ARHGAP44: variants seen among roughly 807,000 people sequenced by gnomAD.
The protein encoded by ARHGAP44 is rho GTPase-activating protein 44.
ARHGAP44 carries 43 observed loss-of-function variants against 106.8 expected under a neutral mutation model. The observed-to-expected ratio is 0.40, with a 90% confidence interval of 0.32 to 0.52. The LOEUF is 0.52. Ranked by LOEUF, ARHGAP44 falls within the 20% of genes least tolerant of loss-of-function variation. The pLI is 0.48. For synonymous variants in ARHGAP44, 439 were observed against 410.3 expected (o/e 1.07, Z -0.85); for missense variants, 866 against 1,050.5 (o/e 0.82, Z 2.43).
chr17:12,981,965 C>T (rs1053225172), intron 19 of ARHGAP44, among the ~76,000 whole-genome samples: 20 of 152,180 alleles, frequency 1.3e-4, no homozygotes, highest in Admixed American at 7.2e-4. Context: ...GAGCCAAGAT[C>T]GTGCCACTGC....
At chr17:12,895,558 A>G (rs967386968) in intron 2 of ARHGAP44, among the ~76,000 whole-genome samples, 1 of 152,162 alleles carries the variant, frequency 6.6e-6, no homozygotes, top group Non-Finnish European at 1.5e-5. Context: ...TTTCTTGTAA[A>G]TTTGTTTCTT....
chr17:12,857,895 G>A (rs946397972), intron 1 of ARHGAP44, among the ~76,000 whole-genome samples: 2 of 151,854 alleles, frequency 1.3e-5, no homozygotes, highest in African/African-American at 2.4e-5. Context: ...TCTGATTTGG[G>A]ACAAGATCTG....
At chr17:12,845,947 A>G (rs2035558113) in intron 1 of ARHGAP44, among the ~76,000 whole-genome samples, 1 of 152,178 alleles carries the variant, frequency 6.6e-6, no homozygotes, top group South Asian at 2.1e-4. Context: ...CATTGGTGGT[A>G]GGAAGTACAC....
At chr17:12,805,598 A>G (rs1248845169) in intron 1 of ARHGAP44, among the ~76,000 whole-genome samples, 1 of 152,240 alleles carries the variant, frequency 6.6e-6, no homozygotes, top group Non-Finnish European at 1.5e-5. Flanking sequence ...AGCCATACCT[A>G]TGAATTGCAT....
In ARHGAP44 at chr17:12,925,063, C is replaced by G. The variant is rs955774006; in HGVS notation, c.465-3866C>G. Among the ~76,000 whole-genome samples, 4 of 152,200 alleles carry G rather than the reference C, an allele frequency of 2.6e-5. No individual in the cohort carries two copies. In the East Asian group the frequency reaches 7.7e-4, roughly 29 times the overall value. On this transcript the variant is annotated intron_variant, in intron 6 of 20. Coordinates refer to ENST00000379672, the MANE Select transcript of ARHGAP44 (RefSeq NM_014859.6). ...AGTGGAGTCTCGATGGCCATCAAAACTCATTCCTCGTCTCTCACCCCTCCC... is the reference window on the plus strand; with the variant it reads ...AGTGGAGTCTCGATGGCCATCAAAAGTCATTCCTCGTCTCTCACCCCTCCC...
At chr17:12,871,749 C>T (rs1481113386) in intron 1 of ARHGAP44, among the ~76,000 whole-genome samples, 2 of 152,236 alleles carry the variant, frequency 1.3e-5, no homozygotes, top group African/African-American at 2.4e-5. Context: ...AATGAGTTCT[C>T]CTGAGATCTG....
chr17:12,840,802 G>T (rs1405357639), intron 1 of ARHGAP44, among the ~76,000 whole-genome samples: 2 of 152,148 alleles, frequency 1.3e-5, no homozygotes, highest in Non-Finnish European at 2.9e-5. Context: ...GCAAATTCTG[G>T]TGTCCTGGTT....
intron 1 of ARHGAP44, among the ~76,000 whole-genome samples, chr17:12,850,992 G>A (rs2035723498): frequency 6.6e-6 from 1 of 152,206 alleles, no homozygotes; most frequent in African/African-American, 2.4e-5. Context: ...ACTTTTGGGA[G>A]TCATTTCTGC....
At chr17:12,840,239 A>G (rs1440237338) in intron 1 of ARHGAP44, among the ~76,000 whole-genome samples, 1 of 152,200 alleles carries the variant, frequency 6.6e-6, no homozygotes. Flanking sequence ...ATCTGATGCA[A>G]ATATCCCTCC....
At chr17:12,969,397 C>CT (rs1284830344) in intron 16 of ARHGAP44, among the ~76,000 whole-genome samples, 1 of 152,152 alleles carries the variant, frequency 6.6e-6, no homozygotes, top group Non-Finnish European at 1.5e-5. Context: ...GAGCTAAGGG[C>CT]TTTATGGCCA....
intron 1 of ARHGAP44, among the ~76,000 whole-genome samples, chr17:12,837,772 A>G (rs1361446619): frequency 6.6e-6 from 1 of 152,096 alleles, no homozygotes; most frequent in Non-Finnish European, 1.5e-5. Flanking sequence ...ACCTGGGTAA[A>G]TAACGTTATT....
intron 4 of ARHGAP44, among the ~76,000 whole-genome samples, chr17:12,914,757 C>T (rs943068572): frequency 4.2e-5 from 6 of 144,460 alleles, no homozygotes; most frequent in Middle Eastern, 3.8e-3. Context: ...GATCGTGCCA[C>T]TGTACTCCAG....
intron 1 of ARHGAP44, among the ~76,000 whole-genome samples, chr17:12,824,283 A>G (rs1200556608): frequency 6.6e-6 from 1 of 152,108 alleles, no homozygotes; most frequent in African/African-American, 2.4e-5. Flanking sequence ...TTGAATTTTG[A>G]GCAGAGGAGT....
At chr17:12,793,293 G>A (rs1421133261) in intron 1 of ARHGAP44, among the ~76,000 whole-genome samples, 1 of 152,222 alleles carries the variant, frequency 6.6e-6, no homozygotes, top group East Asian at 1.9e-4. Flanking sequence ...TGTTATGACT[G>A]TTATTGAATT....
Position 12,949,114 on chromosome 17 carries a change from G to T in ARHGAP44, c.862-26G>T. The T allele has an allele frequency of 6.5e-7, 1 of 1,550,018 alleles. No homozygotes were observed. ...TGATGTTGTACCTTGGAGTTGCTGT[G>T]CGCTGACCCTCTGTCCTGTTGGTAG... On this transcript the variant is annotated intron_variant, in intron 10 of 20. Transcript: ENST00000379672. This position sits in a 1 kb window ranked among gnomAD's most constrained non-coding sequence, Gnocchi z 4.1.
At chr17:12,948,911 G>C (rs2038927680) in intron 10 of ARHGAP44, among the ~76,000 whole-genome samples, 3 of 152,172 alleles carry the variant, frequency 2.0e-5, no homozygotes, top group Admixed American at 1.3e-4. Context: ...AGCCACCCCT[G>C]CCTGAGGCTG....
chr17:12,894,048 AC>A (rs1248384750), intron 1 of ARHGAP44, among the ~76,000 whole-genome samples: 2 of 151,490 alleles, frequency 1.3e-5, no homozygotes, highest in African/African-American at 4.9e-5. Context: ...CAGAAGTCCT[AC>A]TGCTTATTTT....
intron 1 of ARHGAP44, among the ~76,000 whole-genome samples, chr17:12,842,970 G>A (rs545196389): frequency 5.9e-5 from 9 of 152,246 alleles, no homozygotes; most frequent in Non-Finnish European, 1.0e-4. Flanking sequence ...TAACTCCAAG[G>A]CTTTGCTGAA....
chr17:12,846,554 C>T (rs537913688), intron 1 of ARHGAP44, among the ~76,000 whole-genome samples: 23 of 152,216 alleles, frequency 1.5e-4, no homozygotes, highest in Non-Finnish European at 2.8e-4. Flanking sequence ...ATGTATTTAA[C>T]TAGTCCCCTA....
Sources: allele counts gnomAD v4.1 joint callset (sites outside exome capture counted in the v4.1 genomes callset), GRCh38; gene constraint gnomAD v4.1.1; non-coding constraint Gnocchi (gnomAD v3.1); transcripts MANE v1.5; gene names NCBI Gene and HGNC (gene_info 2026-07-23, HGNC 2026-07-21).